Variants in FSTL4 observed in about 807,000 individuals in gnomAD.
FSTL4 encodes follistatin like 4, also known as follistatin-related protein 4.
FSTL4 carries 28 observed loss-of-function variants against 78.2 expected under a neutral mutation model. The ratio of observed to expected loss-of-function variants is 0.36; its 90% CI spans 0.27 to 0.49. FSTL4 has a LOEUF of 0.49. FSTL4 is among the 20% of genes least tolerant of loss of function. FSTL4 has a pLI of 0.98. For missense variants in FSTL4, 922 were observed against 1,084.9 expected, an observed-to-expected ratio of 0.85 and a Z score of 2.11; for synonymous variants, 422 against 440.5, an observed-to-expected ratio of 0.96 and a Z score of 0.53.
chr5:133,432,525 G>A lies in FSTL4; in HGVS notation c.161-31539C>T, dbSNP rs377562685. Among the ~76,000 whole-genome samples the A allele has an allele frequency of 5.9e-5, 9 of 152,202 alleles. No homozygotes were observed. The East Asian group carries it at 7.7e-4, about 13-fold the overall frequency. The stretch of plus-strand genomic sequence containing the variant: ...GAATTAAGAGTTCGAGCTGCTATGA[G>A]ACTTGAGCCAGGTGAGGCACACAGT... On this transcript the variant is annotated intron_variant, in intron 3 of 15. Transcript: ENST00000265342.
intron 3 of FSTL4, among the ~76,000 whole-genome samples, chr5:133,502,448 G>A (rs924374587): frequency 6.6e-6 from 1 of 152,154 alleles, no homozygotes; most frequent in Non-Finnish European, 1.5e-5. Flanking sequence ...GAAAGCAGGT[G>A]ATATGGTTTG....
the FSTL4 span, among the ~76,000 whole-genome samples, chr5:133,722,947 G>A: frequency 6.6e-6 from 1 of 152,204 alleles, no homozygotes; most frequent in Non-Finnish European, 1.5e-5. Context: ...ATAGGTATTA[G>A]GTCAAAGGCG....
At chr5:133,221,077 G>A in intron 11 of FSTL4, 3 of 658,138 alleles carry the variant, frequency 4.6e-6, no homozygotes, top group East Asian at 5.6e-5. Context: ...AATCAGTAAA[G>A]CATGTCACAG....
At chr5:133,407,712 T>C (rs1413651754) in intron 3 of FSTL4, among the ~76,000 whole-genome samples, 2 of 152,204 alleles carry the variant, frequency 1.3e-5, no homozygotes, top group Non-Finnish European at 2.9e-5. Context: ...AAAGCACAAA[T>C]AGGTTTCTAC....
intron 6 of FSTL4, among the ~76,000 whole-genome samples, chr5:133,293,835 T>C (rs1753323608): frequency 6.6e-6 from 1 of 152,240 alleles, no homozygotes; most frequent in Non-Finnish European, 1.5e-5. Flanking sequence ...AATATTGCAC[T>C]AAGCCCCTGA....
the FSTL4 span, among the ~76,000 whole-genome samples, chr5:133,641,380 A>AT: frequency 1.2e-4 from 18 of 152,314 alleles, no homozygotes; most frequent in Middle Eastern, 3.4e-3. Context: ...GGAATAATAC[A>AT]TTTTTTGTAT....
chr5:133,476,946 C>T (rs1286315415), intron 3 of FSTL4, among the ~76,000 whole-genome samples: 1 of 152,212 alleles, frequency 6.6e-6, no homozygotes, highest in Non-Finnish European at 1.5e-5. Flanking sequence ...ATGACCTTGG[C>T]CTCTTAGGCA....
the FSTL4 span, among the ~76,000 whole-genome samples, chr5:133,725,560 G>A: frequency 6.6e-6 from 1 of 152,174 alleles, no homozygotes; most frequent in Non-Finnish European, 1.5e-5. Context: ...TTTCACTCCT[G>A]TCTTTTACCA....
At chr5:133,343,798 T>G (rs893320695) in intron 4 of FSTL4, among the ~76,000 whole-genome samples, 1 of 152,220 alleles carries the variant, frequency 6.6e-6, no homozygotes. Flanking sequence ...TGAATTTCCT[T>G]AAGCAAGTTC....
intron 3 of FSTL4, among the ~76,000 whole-genome samples, chr5:133,476,449 T>C (rs1410522289): frequency 6.6e-6 from 1 of 152,204 alleles, no homozygotes; most frequent in African/African-American, 2.4e-5. Flanking sequence ...AATGCTTTCA[T>C]AGCTCTCAGG....
rs1478991935 is a variant in FSTL4, at chr5:133,439,548, C to CCTT, written c.161-38565_161-38563dup. ...GGTTGCTAGCTAACTTAAGAAAACG[C>CCTT]CTTGCCTTCATCCCTCCTGCTTCAG... On this transcript the variant is annotated intron_variant, in intron 3 of 15. Transcript: ENST00000265342. Among the ~76,000 whole-genome samples, 151 of 152,324 alleles carry CCTT rather than the reference C, an allele frequency of 9.9e-4. 2 individuals are homozygous for CCTT. The highest frequency in any genetic ancestry group is 2.2e-4 in the Non-Finnish European group (15 of 68,036).
At chr5:133,316,681 G>T in intron 4 of FSTL4, 29 bp from the exon 5 acceptor site, 1 of 1,577,262 alleles carries the variant, frequency 6.3e-7, no homozygotes, top group Non-Finnish European at 8.7e-7. Flanking sequence ...TTATTATTTT[G>T]AGACTTATCC....
chr5:133,672,866 C>T, the FSTL4 span, among the ~76,000 whole-genome samples: 1 of 152,136 alleles, frequency 6.6e-6, no homozygotes, highest in African/African-American at 2.4e-5. Context: ...GACTATGCAC[C>T]CATGACACAG....
rs74679648 is a variant in FSTL4 at position 133,601,141 on chromosome 5, C to T, written c.126+2717G>A. On this transcript the variant is annotated intron_variant, in intron 2 of 15. Transcript: ENST00000265342. ...CATCCACGTCCCCACTGGGAATGAA[C>T]CTGCTGTGCAGGGAGGTATGCCCTG... 7.2e-5 allele frequency among the ~76,000 whole-genome samples: 11 copies of T among 152,314 alleles called. No individual in the cohort carries two copies. The East Asian group carries it at 1.9e-3, about 27-fold the overall frequency.
At chr5:133,750,434 GA>G in the FSTL4 span, among the ~76,000 whole-genome samples, 18 of 152,234 alleles carry the variant, frequency 1.2e-4, no homozygotes, top group African/African-American at 4.3e-4. Flanking sequence ...GAGATGTTCT[GA>G]CTCCCAGCTT....
chr5:133,737,810 G>A, the FSTL4 span, among the ~76,000 whole-genome samples: 1 of 151,952 alleles, frequency 6.6e-6, no homozygotes, highest in Non-Finnish European at 1.5e-5. Context: ...TCACCAACTT[G>A]GCCAGGCTGG....
chr5:133,282,466 G>A (rs954246255), intron 6 of FSTL4, among the ~76,000 whole-genome samples: 2 of 152,176 alleles, frequency 1.3e-5, no homozygotes, highest in Non-Finnish European at 2.9e-5. Flanking sequence ...TAACATTCAC[G>A]GAATAATTGA....
chr5:133,378,173 T>G (rs1755484267), intron 4 of FSTL4, among the ~76,000 whole-genome samples: 2 of 151,810 alleles, frequency 1.3e-5, no homozygotes, highest in Admixed American at 1.3e-4. Context: ...TGACCCCAGA[T>G]GGTAATCACA....
chr5:133,581,809 T>C (rs1425609865), intron 2 of FSTL4, among the ~76,000 whole-genome samples: 5 of 152,254 alleles, frequency 3.3e-5, no homozygotes, highest in African/African-American at 1.2e-4. Context: ...GTGGTTCTAA[T>C]GTATGGACAA....
Sources: allele counts gnomAD v4.1 joint callset (sites outside exome capture counted in the v4.1 genomes callset), GRCh38; gene constraint gnomAD v4.1.1; transcripts MANE v1.5; gene names NCBI Gene and HGNC (gene_info 2026-07-23, HGNC 2026-07-21).